Variants in UBR4 observed in about 807,000 individuals in gnomAD.
The protein encoded by UBR4 is E3 ubiquitin-protein ligase UBR4.
UBR4 carries 124 observed loss-of-function variants against 575.6 expected under a neutral mutation model. That is an observed-to-expected ratio of 0.22 (90% confidence interval 0.19 to 0.25). The LOEUF (loss-of-function observed/expected upper bound fraction) is 0.25. Among genes scored for constraint, UBR4 ranks in the 10% least tolerant of loss-of-function variants. The probability of loss-of-function intolerance (pLI) is 1.00; values close to 1 mark genes in which losing one functional copy is unlikely to be tolerated. For synonymous variants in UBR4, 2,455 were observed against 2,473.7 expected (o/e 0.99, Z 0.22); for missense variants, 4,818 against 6,478.8 (o/e 0.74, Z 8.80).
At chr1:19,197,555 G>C in intron 7 of UBR4, 115 bp downstream of exon 7, 1 of 1,423,500 alleles carries the variant, frequency 7.0e-7, no homozygotes, top group East Asian at 2.3e-5. Flanking sequence ...CTTGAACCAG[G>C]AGACGAGGTT....
intron 71 of UBR4, chr1:19,118,112 C>T (rs989966048): frequency 3.6e-6 from 2 of 549,010 alleles, no homozygotes; most frequent in Non-Finnish European, 6.5e-6. Flanking sequence ...ACTAACTGAC[C>T]TTAGATGTTT....
chr1:19,192,640 T>A, intron 9 of UBR4, 100 bp from the exon 10 acceptor site: 2 of 1,248,852 alleles, frequency 1.6e-6, no homozygotes, highest in Non-Finnish European at 2.3e-6. Context: ...GAGTTCAATA[T>A]CCTCTTTTCA....
intron 68 of UBR4, among the ~76,000 whole-genome samples, chr1:19,120,550 T>C (rs778517726): frequency 1.3e-5 from 2 of 152,222 alleles, no homozygotes; most frequent in Non-Finnish European, 2.9e-5. Flanking sequence ...ATGTGTAACG[T>C]TGGTGATGCA....
In UBR4 at chr1:19,117,457, C is replaced by T. The variant is rs759137834; in HGVS notation, c.10630-43G>A. 1.0e-5 allele frequency: 16 copies of T among 1,588,190 alleles called. 1 individual carries two copies. The highest frequency in any genetic ancestry group is 1.7e-4 in the Middle Eastern group (1 of 5,756). On this transcript the variant is annotated intron_variant, in intron 72 of 105. Transcript: ENST00000375254. This position sits in a 1 kb window ranked among gnomAD's most constrained non-coding sequence, Gnocchi z 4.0. Reference sequence around the variant, plus strand: ...CAAAACATGGTATTAGTTCAAGACTCGTACTGCCTTTTTAAAAATTCATCA... The same window carrying T: ...CAAAACATGGTATTAGTTCAAGACTTGTACTGCCTTTTTAAAAATTCATCA...
In UBR4 at chr1:19,173,319, C is replaced by CA. The variant is rs777043006; in HGVS notation, c.3166-14dup. 6.2e-7 allele frequency: 1 copy of CA among 1,613,082 alleles called. No homozygotes were observed. Among genetic ancestry groups the CA allele is most frequent in the East Asian group, 2.2e-5 (1 of 44,872 alleles). On this transcript the variant is annotated splice_polypyrimidine_tract_variant and intron_variant, in intron 23 of 105. Transcript: ENST00000375254. ...TGATAAGGTGATCCTATTTGGACAG[C>CA]AAGAAAAAGTGTTTAGGAGATGACT...
chr1:19,129,081 G>C lies in UBR4; in HGVS notation c.8907-7C>G. 1.2e-6 allele frequency: 2 copies of C among 1,613,340 alleles called. No individual in the cohort carries two copies. The highest frequency in any genetic ancestry group is 1.7e-6 in the Non-Finnish European group (2 of 1,179,380). Reference sequence around the variant, plus strand: ...TAGACGGACCATGTGCAGCCTAAAAGGGTGGGGAAAAGATAGAAAATATGA... The same window carrying C: ...TAGACGGACCATGTGCAGCCTAAAACGGTGGGGAAAAGATAGAAAATATGA... On this transcript the variant is annotated splice_polypyrimidine_tract_variant and splice_region_variant and intron_variant, in intron 60 of 105. Coordinates refer to ENST00000375254, the MANE Select transcript of UBR4 (RefSeq NM_020765.3).
chr1:19,168,781 T>C lies in UBR4; in HGVS notation c.3742-597A>G, dbSNP rs546142769. On this transcript the variant is annotated intron_variant, in intron 27 of 105. Transcript: ENST00000375254. ...TCAGGAGGTCAGGCGATCGAGACCA[T>C]CCTAGCTAACACAGTGAAACCCCGT... 2.6e-5 allele frequency among the ~76,000 whole-genome samples: 4 copies of C among 152,034 alleles called. No individual in the cohort carries two copies. The East Asian group carries it at 5.8e-4, about 22-fold the overall frequency.
intron 30 of UBR4, 106 bp from the exon 31 acceptor site, chr1:19,165,455 T>C (rs972928746): frequency 1.8e-6 from 2 of 1,120,514 alleles, no homozygotes; most frequent in Middle Eastern, 4.1e-4. Flanking sequence ...TGACCACTTA[T>C]GAGTCAATAG....
chr1:19,197,865 T>C, intron 6 of UBR4, 54 bp from the exon 7 acceptor site: 1 of 1,612,756 alleles, frequency 6.2e-7, no homozygotes, highest in Admixed American at 1.7e-5. Flanking sequence ...GATGCTTGAT[T>C]CTTATCCATA....
At position 19,082,134 on chromosome 1, in the gene UBR4, C is replaced by A. The variant is rs371807866; in HGVS notation, c.15009-561G>T. 64 of 276,430 alleles carry A rather than the reference C, an allele frequency of 2.3e-4. No individual in the cohort carries two copies. In the East Asian group the frequency reaches 4.3e-3, roughly 18 times the overall value. 17.1% of individuals were successfully genotyped at this position (276,430 alleles called of 1,614,324 possible). A position where few individuals can be genotyped will look rare whatever the true frequency, so the allele number is the denominator to read the frequency against. On this transcript the variant is annotated intron_variant, in intron 102 of 105. Transcript: ENST00000375254. ...GGTTTGTCTTCTTCTGATCTAGGAT[C>A]CTCCCGCCTTCGTTAGAACAGCCTC...
rs767802860 is a variant in UBR4, at chr1:19,139,952, G to C, written c.8594-732C>G. 2.1e-4 allele frequency among the ~76,000 whole-genome samples: 32 copies of C among 152,256 alleles called. No homozygotes were observed. The highest frequency in any genetic ancestry group is 4.2e-4 in the South Asian group (2 of 4,818). ...CCAAGACAGCCACAGAGCACAGCGG[G>C]AACACGACTGGCACAACACAACAGC... On this transcript the variant is annotated intron_variant, in intron 58 of 105. Transcript: ENST00000375254. The surrounding 1 kb of genome is among the most constrained non-coding windows in gnomAD (Gnocchi z 4.2).
chr1:19,148,609 A>G lies in UBR4; in HGVS notation c.7448T>C (p.Leu2483Ser), dbSNP rs1451671813. The change falls in exon 50 of 106, where the codon TTA becomes TCA. Residue 2483 changes from leucine (L) to serine (S), a missense_variant. Leu to Ser is a moderately radical substitution (Grantham distance 145). Transcript: ENST00000375254. Reference protein sequence around the residue: ...TVLERLVVSSLEALESCFAVG... With the variant: ...TVLERLVVSSSEALESCFAVG... Reference sequence around the variant, plus strand: ...GGCAAAGCAGCTTTCCAGGGCTTCTAAAGAACTCACAACCAGCCTGGGGAG... The same window carrying G: ...GGCAAAGCAGCTTTCCAGGGCTTCTGAAGAACTCACAACCAGCCTGGGGAG... 1.2e-6 allele frequency: 2 copies of G among 1,614,210 alleles called. No individual in the cohort carries two copies. Among genetic ancestry groups the G allele is most frequent in the Admixed American group, 1.7e-5 (1 of 60,034 alleles).
chr1:19,160,312 A>G (rs898893149), intron 38 of UBR4, 31 bp from the exon 39 acceptor site: 17 of 1,072,990 alleles, frequency 1.6e-5, no homozygotes, highest in Admixed American at 1.1e-4. Flanking sequence ...ACACCAGTGA[A>G]AAAAAAAAAA....
chr1:19,081,414 C>T lies in UBR4; in HGVS notation c.15168G>A (p.Val5056=), dbSNP rs770510454. ...TCACCAACAGCCTCCGCAAGATTTCCACACGTGTGGCTCTCCACTGCTCAG... is the reference window on the plus strand; with the variant it reads ...TCACCAACAGCCTCCGCAAGATTTCTACACGTGTGGCTCTCCACTGCTCAG... ...LPPEQWRATR[V]EILRRLLVTS... The change falls in exon 103 of 106, where the codon GTG becomes GTA. Residue 5056 remains valine, a synonymous_variant. Transcript: ENST00000375254. The T allele has an allele frequency of 1.9e-6, 3 of 1,613,914 alleles. No individual in the cohort carries two copies. The South Asian group carries it at 3.3e-5, about 18-fold the overall frequency.
intron 34 of UBR4, 126 bp from the exon 35 acceptor site, chr1:19,162,737 G>C: frequency 8.4e-7 from 1 of 1,195,706 alleles, no homozygotes; most frequent in Non-Finnish European, 1.1e-6. Flanking sequence ...AAGAAAAACA[G>C]TGTGTTTTTA....
intron 104 of UBR4, among the ~76,000 whole-genome samples, chr1:19,077,588 C>G (rs1407495882): frequency 6.6e-6 from 1 of 152,134 alleles, no homozygotes; most frequent in African/African-American, 2.4e-5. Flanking sequence ...ACAAAATTAG[C>G]CGGGCGTGGT....
chr1:19,082,062 G>C (rs915955641), intron 102 of UBR4: 4 of 474,748 alleles, frequency 8.4e-6, no homozygotes, highest in Non-Finnish European at 1.5e-5. Flanking sequence ...TGTTTACATG[G>C]TTTGCACTAA....
intron 103 of UBR4, chr1:19,078,393 A>G (rs189045454): frequency 1.2e-5 from 3 of 242,302 alleles, no homozygotes; most frequent in African/African-American, 6.8e-5. Flanking sequence ...AAAGAAAGGC[A>G]AAGGATTCCT....
chr1:19,165,842 TTGTC>T (rs1435766833), intron 29 of UBR4, 85 bp from the exon 30 acceptor site: 6 of 1,233,282 alleles, frequency 4.9e-6, no homozygotes, highest in South Asian at 1.5e-5. Flanking sequence ...AATCCAAAGT[TTGTC>T]TGTTTGACCT....
Sources: allele counts gnomAD v4.1 joint callset (sites outside exome capture counted in the v4.1 genomes callset), GRCh38; gene constraint gnomAD v4.1.1; non-coding constraint Gnocchi (gnomAD v3.1); transcripts MANE v1.5; gene names NCBI Gene and HGNC (gene_info 2026-07-23, HGNC 2026-07-21).